Variants in UST observed in about 807,000 individuals in gnomAD.
UST encodes the protein uronyl 2-sulfotransferase.
A neutral mutation model predicts 45.6 loss-of-function variants in UST; 21 were observed. The ratio of observed to expected loss-of-function variants is 0.46; its 90% CI spans 0.33 to 0.66. The LOEUF (loss-of-function observed/expected upper bound fraction) is 0.66. Ranked by LOEUF, UST falls within the 30% of genes least tolerant of loss-of-function variation. UST has a pLI of 0.02. For synonymous variants in UST, 215 were observed against 200.6 expected, an observed-to-expected ratio of 1.07 and a Z score of -0.61; for missense variants, 463 against 512.4, an observed-to-expected ratio of 0.90 and a Z score of 0.93.
intron 1 of UST, among the ~76,000 whole-genome samples, chr6:148,787,909 G>A (rs1046970049): frequency 6.6e-6 from 1 of 152,066 alleles, no homozygotes. Context: ...CTTTCTTCCT[G>A]TTAGATCATT....
chr6:148,891,101 A>C (rs748136041), intron 2 of UST, among the ~76,000 whole-genome samples: 14 of 152,204 alleles, frequency 9.2e-5, no homozygotes, highest in Non-Finnish European at 1.9e-4. Context: ...TTAAAGTAAC[A>C]CCTGCTCAAT....
intron 1 of UST, among the ~76,000 whole-genome samples, chr6:148,870,104 T>TCA (rs60229120): frequency 0.16 from 22,764 of 141,330 alleles, 2,043 homozygotes; most frequent in South Asian, 0.36. Flanking sequence ...TGGTAATGTT[T>TCA]CACACACACA....
chr6:149,038,892 T>C (rs1055387674), intron 7 of UST, among the ~76,000 whole-genome samples: 2 of 152,118 alleles, frequency 1.3e-5, no homozygotes, highest in African/African-American at 4.8e-5. Context: ...AGTGAGGCGG[T>C]TGGAGTTTTA....
intron 5 of UST, among the ~76,000 whole-genome samples, chr6:148,967,703 G>C (rs533088138): frequency 6.6e-6 from 1 of 152,126 alleles, no homozygotes; most frequent in African/African-American, 2.4e-5. Flanking sequence ...CCTGCACACC[G>C]CATGCCCACA....
chr6:149,042,955 TTTTCTTTCTTTCTTTC>T (rs1158496318), intron 7 of UST, among the ~76,000 whole-genome samples: 1,604 of 109,114 alleles, frequency 0.015, 26 homozygotes, highest in African/African-American at 0.047. Context: ...ATCACCATCC[TTTTCTTTCTTTCTTTC>T]TTTCTTTCTT....
intron 7 of UST, among the ~76,000 whole-genome samples, chr6:149,062,026 G>A (rs1776661895): frequency 6.6e-6 from 1 of 152,196 alleles, no homozygotes; most frequent in Non-Finnish European, 1.5e-5. Flanking sequence ...TCAGTTAATG[G>A]CTGGGGTAAA....
At position 148,914,857 on chromosome 6, in the gene UST, A is replaced by G. The variant is rs1438499836; in HGVS notation, c.292-26422A>G. 2.0e-5 allele frequency among the ~76,000 whole-genome samples: 3 copies of G among 152,332 alleles called. 1 individual carries two copies. Among genetic ancestry groups the G allele is most frequent in the Admixed American group, 1.3e-4 (2 of 15,306 alleles). ...GATATTTATACATGTAATATAAAAG[A>G]TTATGTCTTTCAGGCTTCTATAACA... is the stretch of plus-strand genomic sequence containing the variant. On this transcript the variant is annotated intron_variant, in intron 2 of 7. Coordinates refer to ENST00000367463, the MANE Select transcript of UST (RefSeq NM_005715.3).
intron 7 of UST, among the ~76,000 whole-genome samples, chr6:149,059,330 G>A (rs192654012): frequency 1.0e-3 from 158 of 152,326 alleles, no homozygotes; most frequent in Middle Eastern, 3.4e-3. Flanking sequence ...TACAAGTGTC[G>A]GGCCCTTCCG....
chr6:148,767,959 AG>A (rs1427693066), intron 1 of UST, among the ~76,000 whole-genome samples: 2 of 152,110 alleles, frequency 1.3e-5, no homozygotes, highest in Non-Finnish European at 2.9e-5. Flanking sequence ...TTGTGGTTGT[AG>A]GTAAGGTTGT....
chr6:149,073,586 C>T (rs1442243986), intron 7 of UST, among the ~76,000 whole-genome samples: 1 of 152,166 alleles, frequency 6.6e-6, no homozygotes, highest in Admixed American at 6.5e-5. Context: ...TTGGTCCAAT[C>T]GCATGGTTCA....
At chr6:148,868,166 T>C (rs1778481140) in intron 1 of UST, among the ~76,000 whole-genome samples, 1 of 152,186 alleles carries the variant, frequency 6.6e-6, no homozygotes, top group Non-Finnish European at 1.5e-5. Context: ...TGCACCATGA[T>C]AATGACTTTA....
chr6:148,842,837 A>G (rs540670482), intron 1 of UST, among the ~76,000 whole-genome samples: 3 of 152,266 alleles, frequency 2.0e-5, no homozygotes, highest in African/African-American at 7.2e-5. Context: ...GTCTGTGGCA[A>G]TCCTAGTGAG....
chr6:148,788,161 C>T (rs900341386), intron 1 of UST, among the ~76,000 whole-genome samples: 2 of 152,092 alleles, frequency 1.3e-5, no homozygotes, highest in East Asian at 3.9e-4. Flanking sequence ...TTCTTCTTAT[C>T]AAACCATCAG....
intron 1 of UST, among the ~76,000 whole-genome samples, chr6:148,784,804 CATT>C (rs1776707062): frequency 6.6e-6 from 1 of 152,228 alleles, no homozygotes; most frequent in Non-Finnish European, 1.5e-5. Context: ...CAAGTTGCTG[CATT>C]TTGTTTCAAG....
intron 1 of UST, among the ~76,000 whole-genome samples, chr6:148,811,300 G>C (rs2114730342): frequency 6.6e-6 from 1 of 152,198 alleles, no homozygotes; most frequent in Non-Finnish European, 1.5e-5. Flanking sequence ...TGATGCCTGG[G>C]TATTATGAGA....
rs567008132 is a variant in UST, at chr6:148,983,104, G to A, written c.681+18541G>A. ...TCAAAATAAATAATTTTACATTACGGCATCAGTTAACACCAAGTTTTCAAA... is the reference window on the plus strand; with the variant it reads ...TCAAAATAAATAATTTTACATTACGACATCAGTTAACACCAAGTTTTCAAA... On this transcript the variant is annotated intron_variant, in intron 5 of 7. Transcript: ENST00000367463. Among the ~76,000 whole-genome samples, 6 of 152,270 alleles carry A rather than the reference G, an allele frequency of 3.9e-5. No individual in the cohort carries two copies. In the East Asian group the frequency reaches 1.2e-3, roughly 29 times the overall value.
intron 7 of UST, among the ~76,000 whole-genome samples, chr6:149,026,754 C>G (rs1249370024): frequency 6.6e-6 from 1 of 152,198 alleles, no homozygotes; most frequent in Non-Finnish European, 1.5e-5. Flanking sequence ...GACTTGAAAA[C>G]TCATGTGTCC....
intron 7 of UST, among the ~76,000 whole-genome samples, chr6:149,060,004 G>C (rs76404523): frequency 4.6e-5 from 7 of 152,092 alleles, no homozygotes; most frequent in Non-Finnish European, 1.5e-5. Flanking sequence ...TTCTCTTCCT[G>C]GTTCCTTTTA....
At chr6:148,788,806 T>C (rs1776783133) in intron 1 of UST, among the ~76,000 whole-genome samples, 1 of 152,216 alleles carries the variant, frequency 6.6e-6, no homozygotes, top group Admixed American at 6.5e-5. Flanking sequence ...CTCATCAACA[T>C]GATGTCTGTA....
Sources: allele counts gnomAD v4.1 joint callset (sites outside exome capture counted in the v4.1 genomes callset), GRCh38; gene constraint gnomAD v4.1.1; transcripts MANE v1.5; gene names NCBI Gene and HGNC (gene_info 2026-07-23, HGNC 2026-07-21).